SLC30A9: variants seen among roughly 807,000 people sequenced by gnomAD.
SLC30A9 encodes solute carrier family 30 member 9, also known as proton-coupled zinc antiporter SLC30A9, mitochondrial.
In SLC30A9, 58 loss-of-function variants were observed where a neutral mutation model predicts 87.5. The ratio of observed to expected loss-of-function variants is 0.66; its 90% CI spans 0.54 to 0.82. SLC30A9 has a LOEUF of 0.82. SLC30A9 is among the 40% of genes least tolerant of loss of function. SLC30A9 has a pLI of 0.00. For synonymous variants in SLC30A9, 234 were observed against 233.0 expected, an observed-to-expected ratio of 1.00 and a Z score of -0.04; for missense variants, 557 against 679.1, an observed-to-expected ratio of 0.82 and a Z score of 2.00.
chr4:42,053,726 G>C lies in SLC30A9; in HGVS notation c.840+4247G>C, dbSNP rs981623446. On this transcript the variant is annotated intron_variant, in intron 9 of 17. Coordinates refer to ENST00000264451, the MANE Select transcript of SLC30A9 (RefSeq NM_006345.4). ...AAAAAAAAAAAAAAAAAAAAAAAAG[G>C]AATGTTATAGCAGCTTTACTTATAA... Among the ~76,000 whole-genome samples the C allele has an allele frequency of 3.3e-3, 342 of 102,474 alleles. 2 individuals carry two copies. The highest frequency in any genetic ancestry group is 0.019 in the African/African-American group (328 of 17,340). 67.2% of individuals were successfully genotyped at this position (102,474 alleles called of 152,430 possible).
At chr4:42,009,108 A>G (rs1577682080) in intron 2 of SLC30A9, among the ~76,000 whole-genome samples, 1 of 152,356 alleles carries the variant, frequency 6.6e-6, no homozygotes, top group East Asian at 1.9e-4. Context: ...AATATTTAAT[A>G]TGGTTCCACC....
chr4:42,078,377 A>G (rs1237653908), intron 17 of SLC30A9, 52 bp downstream of exon 17: 1 of 950,004 alleles, frequency 1.1e-6, no homozygotes, highest in Non-Finnish European at 1.7e-6. Context: ...TATTTTTTTG[A>G]GTACTTACTC....
chr4:42,022,448 TCTCGAA>T (rs1716008409), intron 4 of SLC30A9, among the ~76,000 whole-genome samples: 1 of 151,696 alleles, frequency 6.6e-6, no homozygotes, highest in Admixed American at 6.6e-5. Context: ...ACCAGGCTGG[TCTCGAA>T]CTCCTGACCA....
At chr4:42,070,757 T>C (rs1185459688) in intron 15 of SLC30A9, 66 bp downstream of exon 15, 4 of 1,348,798 alleles carry the variant, frequency 3.0e-6, no homozygotes, top group Non-Finnish European at 4.0e-6. Flanking sequence ...AAATGCCTGG[T>C]TTGTAAATAC....
At chr4:42,014,306 T>C (rs1480060482) in intron 2 of SLC30A9, among the ~76,000 whole-genome samples, 1 of 152,168 alleles carries the variant, frequency 6.6e-6, no homozygotes, top group Non-Finnish European at 1.5e-5. Context: ...GTGCAGCTAC[T>C]ATGAAGAACA....
intron 16 of SLC30A9, among the ~76,000 whole-genome samples, chr4:42,077,797 A>G (rs1280899572): frequency 6.6e-6 from 1 of 151,466 alleles, no homozygotes; most frequent in Non-Finnish European, 1.5e-5. Context: ...TGTGCTTTTT[A>G]TTCTTTTGCA....
At chr4:42,001,890 G>T in intron 2 of SLC30A9, 110 bp downstream of exon 2, 1 of 650,484 alleles carries the variant, frequency 1.5e-6, no homozygotes, top group Non-Finnish European at 2.5e-6. Flanking sequence ...TGTCTGGACT[G>T]ATGTTTTCTT....
At chr4:42,039,951 T>C (rs1716852498) in intron 8 of SLC30A9, among the ~76,000 whole-genome samples, 1 of 152,172 alleles carries the variant, frequency 6.6e-6, no homozygotes, top group Non-Finnish European at 1.5e-5. Flanking sequence ...ATATAATACA[T>C]AATTCTTTAA....
chr4:42,019,326 C>A (rs116179891), intron 3 of SLC30A9, among the ~76,000 whole-genome samples: 3,872 of 152,210 alleles, frequency 0.025, 73 homozygotes, highest in African/African-American at 0.041. Context: ...AAAAGTCTCA[C>A]CTTATAATGA....
intron 8 of SLC30A9, among the ~76,000 whole-genome samples, chr4:42,044,661 A>T (rs1403476716): frequency 6.6e-6 from 1 of 152,208 alleles, no homozygotes; most frequent in Non-Finnish European, 1.5e-5. Context: ...GATCAACAAG[A>T]CAGAAAATTA....
At chr4:42,083,039 A>G (rs1209945131) in intron 17 of SLC30A9, among the ~76,000 whole-genome samples, 1 of 152,176 alleles carries the variant, frequency 6.6e-6, no homozygotes. Flanking sequence ...ATTTCAGAGT[A>G]TAGATAAACC....
rs1258520604 is a variant in SLC30A9, at chr4:42,087,707, A to G, written c.*1581A>G. On this transcript the variant is annotated 3_prime_UTR_variant, in exon 18 of 18. Transcript: ENST00000264451. ...AATTGTTATATATATATATAATTTG[A>G]TACTCTATTCTTACAGTTTCAAATT... 6.7e-6 allele frequency: 1 copy of G among 150,058 alleles called. No homozygotes were observed. Among genetic ancestry groups the G allele is most frequent in the Non-Finnish European group, 1.5e-5 (1 of 67,702 alleles). The allele number at this position is 150,058 out of a possible 1,614,324, so 9.3% of individuals were successfully genotyped here. A position where few individuals can be genotyped will look rare whatever the true frequency, so the allele number is the denominator to read the frequency against.
intron 7 of SLC30A9, among the ~76,000 whole-genome samples, chr4:42,035,812 G>A (rs10027625): frequency 6.6e-6 from 1 of 151,906 alleles, no homozygotes; most frequent in Non-Finnish European, 1.5e-5. Context: ...TAAAACATTT[G>A]TACATAAGTT....
In SLC30A9 at chr4:42,086,404, T is replaced by C. The variant is rs1718927312; in HGVS notation, c.*278T>C. On this transcript the variant is annotated 3_prime_UTR_variant, in exon 18 of 18. Coordinates refer to ENST00000264451, the MANE Select transcript of SLC30A9 (RefSeq NM_006345.4). ...TTGGTTATTTAAATTGTTCATAATGTCCCATATTTCACCTGTTCAGTGTAT... is the reference window on the plus strand; with the variant it reads ...TTGGTTATTTAAATTGTTCATAATGCCCCATATTTCACCTGTTCAGTGTAT... The C allele has an allele frequency of 3.5e-6, 1 of 285,770 alleles. No individual in the cohort carries two copies. The highest frequency in any genetic ancestry group is 6.5e-6 in the Non-Finnish European group (1 of 154,872). 17.7% of individuals were successfully genotyped at this position (285,770 alleles called of 1,614,324 possible).
chr4:42,077,212 A>G (rs1718592876), intron 16 of SLC30A9, among the ~76,000 whole-genome samples: 1 of 152,104 alleles, frequency 6.6e-6, no homozygotes, highest in African/African-American at 2.4e-5. Context: ...GTATTAATAG[A>G]GTTATTAAAT....
At chr4:42,025,466 C>T (rs1416244202) in intron 6 of SLC30A9, among the ~76,000 whole-genome samples, 1 of 152,088 alleles carries the variant, frequency 6.6e-6, no homozygotes, top group Admixed American at 6.6e-5. Context: ...TTCAGCTAAC[C>T]TAGTCAGGAG....
At chr4:42,075,853 G>A (rs1718527135) in intron 16 of SLC30A9, 67 bp downstream of exon 16, 3 of 1,509,082 alleles carry the variant, frequency 2.0e-6, no homozygotes, top group African/African-American at 1.4e-5. Context: ...TAAACAAAAT[G>A]AAATTTTTTT....
At chr4:42,017,762 C>T (rs1715783492) in intron 2 of SLC30A9, among the ~76,000 whole-genome samples, 1 of 152,084 alleles carries the variant, frequency 6.6e-6, no homozygotes, top group Non-Finnish European at 1.5e-5. Context: ...TGCATTTAAA[C>T]ATTCACCATT....
At chr4:42,051,286 A>T (rs183570129) in intron 9 of SLC30A9, among the ~76,000 whole-genome samples, 5 of 152,332 alleles carry the variant, frequency 3.3e-5, no homozygotes, top group Admixed American at 3.3e-4. Context: ...AAATAATTTA[A>T]TCACTTGCCA....
Sources: gnomAD v4.1 joint callset for allele counts (sites outside exome capture counted in the v4.1 genomes callset) on GRCh38, gnomAD v4.1.1 for gene constraint, MANE v1.5 for transcripts, NCBI Gene and HGNC (gene_info 2026-07-23, HGNC 2026-07-21) for gene names.